Variants in LHFPL6 observed in about 807,000 individuals in gnomAD.
LHFPL6 encodes LHFPL tetraspan subfamily member 6.
LHFPL6 carries 9 observed loss-of-function variants against 20.6 expected under a neutral mutation model. The ratio of observed to expected loss-of-function variants is 0.44; its 90% CI spans 0.26 to 0.76. The LOEUF is 0.76. LHFPL6 is among the 30% of genes least tolerant of loss of function. The probability of loss-of-function intolerance (pLI) is 0.20; values close to 1 mark genes in which losing one functional copy is unlikely to be tolerated. For missense variants in LHFPL6, 218 were observed against 253.5 expected (o/e 0.86, Z 0.95); for synonymous variants, 105 against 98.7 (o/e 1.06, Z -0.38).
chr13:39,499,887 G>A (rs760901003), intron 2 of LHFPL6, among the ~76,000 whole-genome samples: 20 of 152,158 alleles, frequency 1.3e-4, no homozygotes, highest in Non-Finnish European at 2.2e-4. Flanking sequence ...CAGCTGAAAC[G>A]GTCATGCCTG....
intron 2 of LHFPL6, among the ~76,000 whole-genome samples, chr13:39,495,089 A>G (rs1201527799): frequency 6.6e-6 from 1 of 152,250 alleles, no homozygotes; most frequent in Non-Finnish European, 1.5e-5. Flanking sequence ...TATAGGTAGA[A>G]GGTAGCAAGT....
chr13:39,514,155 T>G (rs1328194280), intron 2 of LHFPL6, among the ~76,000 whole-genome samples: 3 of 152,136 alleles, frequency 2.0e-5, no homozygotes, highest in African/African-American at 7.2e-5. Context: ...CTGGGTTCAC[T>G]CCCTTCATAT....
At chr13:39,476,671 A>G (rs1422426761) in intron 2 of LHFPL6, among the ~76,000 whole-genome samples, 2 of 152,256 alleles carry the variant, frequency 1.3e-5, no homozygotes, top group Non-Finnish European at 2.9e-5. Flanking sequence ...TCTCTGGAAC[A>G]TAAGTCTGGT....
chr13:39,467,324 A>T (rs1872828904), intron 2 of LHFPL6, among the ~76,000 whole-genome samples: 1 of 152,148 alleles, frequency 6.6e-6, no homozygotes, highest in Admixed American at 6.6e-5. Context: ...TGAGTGAATG[A>T]ATGAATCAAT....
intron 2 of LHFPL6, among the ~76,000 whole-genome samples, chr13:39,516,098 A>G (rs1869904594): frequency 6.6e-6 from 1 of 152,108 alleles, no homozygotes; most frequent in African/African-American, 2.4e-5. Flanking sequence ...ACGAGTTCCT[A>G]TTGTCTGATC....
chr13:39,419,496 C>T (rs372519557), intron 2 of LHFPL6, among the ~76,000 whole-genome samples: 10 of 152,284 alleles, frequency 6.6e-5, no homozygotes, highest in African/African-American at 2.2e-4. Flanking sequence ...AGCTTTATAA[C>T]CAATAAATGT....
chr13:39,431,284 T>C (rs1871792409), intron 2 of LHFPL6, among the ~76,000 whole-genome samples: 3 of 149,494 alleles, frequency 2.0e-5, no homozygotes, highest in African/African-American at 2.5e-5. Context: ...TCAGCAAGAC[T>C]ACAAACCTAC....
intron 2 of LHFPL6, among the ~76,000 whole-genome samples, chr13:39,562,541 CAT>C (rs1175918257): frequency 2.3e-5 from 3 of 128,158 alleles, no homozygotes; most frequent in East Asian, 2.1e-4. Context: ...CATATATACA[CAT>C]ATACATATAT....
At chr13:39,394,873 G>A (rs2138373936) in intron 2 of LHFPL6, among the ~76,000 whole-genome samples, 1 of 152,252 alleles carries the variant, frequency 6.6e-6, no homozygotes, top group East Asian at 1.9e-4. Context: ...TCGGTCCAAA[G>A]CATTTTCTGC....
chr13:39,358,341 A>T (rs1869780596), intron 3 of LHFPL6, among the ~76,000 whole-genome samples: 1 of 152,226 alleles, frequency 6.6e-6, no homozygotes, highest in Non-Finnish European at 1.5e-5. Flanking sequence ...CTGGCTATCC[A>T]TATGCAGAGG....
intron 3 of LHFPL6, among the ~76,000 whole-genome samples, chr13:39,365,765 T>C (rs943259892): frequency 6.6e-6 from 1 of 152,110 alleles, no homozygotes; most frequent in Non-Finnish European, 1.5e-5. Flanking sequence ...CTAGGGAAAA[T>C]GCAGCAAGGT....
chr13:39,440,060 G>C (rs1181717801), intron 2 of LHFPL6, among the ~76,000 whole-genome samples: 2 of 152,164 alleles, frequency 1.3e-5, no homozygotes, highest in Non-Finnish European at 2.9e-5. Flanking sequence ...AGCCTGAATG[G>C]TGAAGTATGT....
At chr13:39,432,816 CATA>C (rs1871851919) in intron 2 of LHFPL6, among the ~76,000 whole-genome samples, 1 of 152,164 alleles carries the variant, frequency 6.6e-6, no homozygotes, top group African/African-American at 2.4e-5. Flanking sequence ...CTGCCTACCA[CATA>C]ATAAGTAGCC....
chr13:39,562,389 CATATAT>C (rs111450691), intron 2 of LHFPL6, among the ~76,000 whole-genome samples: 1 of 40,450 alleles, frequency 2.5e-5, no homozygotes, highest in South Asian at 8.6e-4. Context: ...TATACATATA[CATATAT>C]ATACATATAT....
At chr13:39,380,025 C>T (rs1870397019) in intron 2 of LHFPL6, among the ~76,000 whole-genome samples, 1 of 152,170 alleles carries the variant, frequency 6.6e-6, no homozygotes, top group Admixed American at 6.5e-5. Flanking sequence ...TCCTAGTGGC[C>T]AATTTCCTTA....
chr13:39,367,820 A>C (rs746963092), intron 3 of LHFPL6, among the ~76,000 whole-genome samples: 1 of 152,222 alleles, frequency 6.6e-6, no homozygotes, highest in Non-Finnish European at 1.5e-5. Context: ...CGGTCTGGAG[A>C]CCTTAAGTTA....
chr13:39,513,802 T>C (rs923673858), intron 2 of LHFPL6, among the ~76,000 whole-genome samples: 7 of 152,234 alleles, frequency 4.6e-5, no homozygotes, highest in Non-Finnish European at 1.0e-4. Context: ...TCCTACAACA[T>C]GTATATGACC....
chr13:39,420,938 T>A (rs1204127527), intron 2 of LHFPL6, among the ~76,000 whole-genome samples: 1 of 152,216 alleles, frequency 6.6e-6, no homozygotes, highest in African/African-American at 2.4e-5. Context: ...CAATATCATA[T>A]CTTTAGGTTC....
intron 2 of LHFPL6, among the ~76,000 whole-genome samples, chr13:39,552,037 T>G (rs769699121): frequency 5.3e-5 from 8 of 152,220 alleles, no homozygotes; most frequent in Admixed American, 2.6e-4. Flanking sequence ...TTCTTTTTTA[T>G]TAAACAATGG....
Sources: gnomAD v4.1 joint callset for allele counts (sites outside exome capture counted in the v4.1 genomes callset) on GRCh38, gnomAD v4.1.1 for gene constraint, MANE v1.5 for transcripts, NCBI Gene and HGNC (gene_info 2026-07-23, HGNC 2026-07-21) for gene names.